Variants in SAMTOR observed in about 807,000 individuals in gnomAD.
The protein encoded by SAMTOR is S-adenosylmethionine sensor upstream of mTORC1.
the SAMTOR span, among the ~76,000 whole-genome samples, chr7:112,918,658 G>A: frequency 7.9e-5 from 12 of 152,108 alleles, no homozygotes; most frequent in Non-Finnish European, 1.6e-4. Flanking sequence ...CTGGCAAATT[G>A]GATAAAGAGT....
the SAMTOR span, among the ~76,000 whole-genome samples, chr7:112,921,855 C>T: frequency 1.3e-5 from 2 of 148,602 alleles, no homozygotes; most frequent in South Asian, 2.2e-4. Context: ...CCATCACTGG[C>T]CATCAGAGAA....
At chr7:112,922,763 C>G in the SAMTOR span, among the ~76,000 whole-genome samples, 8 of 152,116 alleles carry the variant, frequency 5.3e-5, no homozygotes, top group African/African-American at 1.9e-4. Flanking sequence ...CACCTGGCAG[C>G]CACCCTGTCT....
the SAMTOR span, among the ~76,000 whole-genome samples, chr7:112,877,907 C>T: frequency 2.0e-5 from 3 of 152,148 alleles, no homozygotes; most frequent in African/African-American, 2.4e-5. Context: ...TTCCTGAGGC[C>T]TTCCCAGAAG....
the SAMTOR span, among the ~76,000 whole-genome samples, chr7:112,895,346 T>G: frequency 6.6e-6 from 1 of 152,052 alleles, no homozygotes; most frequent in East Asian, 1.9e-4. Context: ...TCTTTCTCAT[T>G]TTCAGTTAGA....
the SAMTOR span, among the ~76,000 whole-genome samples, chr7:112,876,445 C>T: frequency 1.5e-3 from 228 of 152,202 alleles, 1 homozygote; most frequent in Admixed American, 3.1e-3. Context: ...TTTTTTACCC[C>T]ATAATATGTT....
At chr7:112,831,733 T>C in the SAMTOR span, among the ~76,000 whole-genome samples, 1 of 152,292 alleles carries the variant, frequency 6.6e-6, no homozygotes, top group Admixed American at 6.5e-5. Flanking sequence ...CCATAGGAAA[T>C]GTTCTCAAAA....
At chr7:112,869,347 T>C in the SAMTOR span, among the ~76,000 whole-genome samples, 1 of 151,980 alleles carries the variant, frequency 6.6e-6, no homozygotes, top group Admixed American at 6.6e-5. Flanking sequence ...CTCTGTCGCC[T>C]CCTGCTGGCT....
At chr7:112,849,975 G>A in the SAMTOR span, among the ~76,000 whole-genome samples, 1 of 152,222 alleles carries the variant, frequency 6.6e-6, no homozygotes, top group East Asian at 1.9e-4. Context: ...GGGAAGCCAA[G>A]ATGGGTGGAT....
At chr7:112,915,234 C>T in the SAMTOR span, 5 of 1,445,392 alleles carry the variant, frequency 3.5e-6, no homozygotes, top group African/African-American at 1.5e-5. Context: ...AAGACTCCGT[C>T]TCAGGAAAAA....
the SAMTOR span, chr7:112,915,196 C>T: frequency 8.6e-6 from 9 of 1,044,434 alleles, no homozygotes; most frequent in Non-Finnish European, 1.2e-5. Flanking sequence ...CGAGATCACG[C>T]CATGCACTCC....
the SAMTOR span, among the ~76,000 whole-genome samples, chr7:112,841,958 C>T: frequency 6.6e-6 from 1 of 152,034 alleles, no homozygotes; most frequent in East Asian, 1.9e-4. Context: ...AACTTAAGAC[C>T]TAAAACCATA....
chr7:112,886,145 C>G, the SAMTOR span, among the ~76,000 whole-genome samples: 3 of 152,164 alleles, frequency 2.0e-5, no homozygotes, highest in Non-Finnish European at 4.4e-5. Flanking sequence ...GGTAACCACC[C>G]CCATGATTTA....
chr7:112,931,379 A>G, the SAMTOR span, among the ~76,000 whole-genome samples: 1 of 152,194 alleles, frequency 6.6e-6, no homozygotes, highest in East Asian at 1.9e-4. Context: ...CTCACGGTGT[A>G]TCTTCTGTTC....
chr7:112,922,897 C>CCG, the SAMTOR span, among the ~76,000 whole-genome samples: 1 of 142,500 alleles, frequency 7.0e-6, no homozygotes, highest in African/African-American at 2.7e-5. Flanking sequence ...CAGCCCCCCC[C>CCG]CCCCGGGCCA....
chr7:112,922,813 C>A, the SAMTOR span, among the ~76,000 whole-genome samples: 4 of 151,752 alleles, frequency 2.6e-5, no homozygotes, highest in African/African-American at 9.7e-5. Flanking sequence ...GGCCAGCCGC[C>A]CCGTCCGGGA....
chr7:112,897,185 G>T, the SAMTOR span, among the ~76,000 whole-genome samples: 10 of 152,140 alleles, frequency 6.6e-5, no homozygotes, highest in Non-Finnish European at 1.3e-4. Flanking sequence ...CGAGTGCAAA[G>T]GGGTACAAGG....
At chr7:112,886,144 C>T in the SAMTOR span, among the ~76,000 whole-genome samples, 1 of 152,030 alleles carries the variant, frequency 6.6e-6, no homozygotes, top group African/African-American at 2.4e-5. Context: ...GGGTAACCAC[C>T]CCCATGATTT....
chr7:112,846,395 G>C, the SAMTOR span, among the ~76,000 whole-genome samples: 1 of 152,014 alleles, frequency 6.6e-6, no homozygotes, highest in African/African-American at 2.4e-5. Flanking sequence ...AAGAAGATCA[G>C]AAAAAATAAC....
At chr7:112,832,224 A>G in the SAMTOR span, among the ~76,000 whole-genome samples, 1 of 152,066 alleles carries the variant, frequency 6.6e-6, no homozygotes, top group African/African-American at 2.4e-5. Context: ...CATGTTGGCC[A>G]GGCTGGTCTC....
Sources: allele counts gnomAD v4.1 joint callset (sites outside exome capture counted in the v4.1 genomes callset), GRCh38; gene constraint gnomAD v4.1.1; transcripts MANE v1.5; gene names NCBI Gene and HGNC (gene_info 2026-07-23, HGNC 2026-07-21).